PTPRN2: variants seen among roughly 807,000 people sequenced by gnomAD.
The protein encoded by PTPRN2 is receptor-type tyrosine-protein phosphatase N2.
A neutral mutation model predicts 118.8 loss-of-function variants in PTPRN2; 74 were observed. That is an observed-to-expected ratio of 0.62 (90% CI 0.52 to 0.76). The LOEUF is 0.76. Among genes scored for constraint, PTPRN2 ranks in the 30% least tolerant of loss-of-function variants. PTPRN2 has a pLI of 0.00. For synonymous variants in PTPRN2, 641 were observed against 608.0 expected, an observed-to-expected ratio of 1.05 and a Z score of -0.80; for missense variants, 1,481 against 1,394.4, an observed-to-expected ratio of 1.06 and a Z score of -0.99.
intron 12 of PTPRN2, among the ~76,000 whole-genome samples, chr7:157,698,081 A>T (rs920833523): frequency 6.6e-6 from 1 of 152,266 alleles, no homozygotes; most frequent in Admixed American, 6.5e-5. Context: ...TGAACTGGGA[A>T]GATTTTTAAG....
At chr7:158,063,206 G>A (rs1810489864) in intron 11 of PTPRN2, among the ~76,000 whole-genome samples, 1 of 151,686 alleles carries the variant, frequency 6.6e-6, no homozygotes, top group Non-Finnish European at 1.5e-5. Flanking sequence ...ATCTGATGGG[G>A]ACTTGGAGAA....
intron 14 of PTPRN2, 72 bp from the exon 15 acceptor site, chr7:157,621,581 C>G (rs1203414778): frequency 1.3e-6 from 2 of 1,583,062 alleles, no homozygotes; most frequent in African/African-American, 1.3e-5. Flanking sequence ...CAAAAGGCAG[C>G]GGAGGCCTTT....
At position 157,587,183 on chromosome 7, in the gene PTPRN2, G is replaced by C. The variant is rs1800724718; in HGVS notation, c.2496+8055C>G. On this transcript the variant is annotated intron_variant, in intron 17 of 22. Coordinates refer to ENST00000389418, the MANE Select transcript of PTPRN2 (RefSeq NM_002847.5). The surrounding 1 kb of genome is among the most constrained non-coding windows in gnomAD (Gnocchi z 5.3). ...GGCAGGCAGACAGACAAGACAGGCA[G>C]ATAGAGACAAGACAGGCAGGCAGAC... 1.3e-5 allele frequency among the ~76,000 whole-genome samples: 2 copies of C among 148,736 alleles called. No individual in the cohort carries two copies. Among genetic ancestry groups the C allele is most frequent in the Admixed American group, 1.4e-4 (2 of 14,516 alleles).
At chr7:158,097,324 G>C (rs550831971) in intron 10 of PTPRN2, among the ~76,000 whole-genome samples, 33 of 152,282 alleles carry the variant, frequency 2.2e-4, no homozygotes, top group Non-Finnish European at 3.2e-4. Context: ...CGTGCACAGA[G>C]AAGACCCCAA....
chr7:158,195,453 G>A (rs1202563620), intron 4 of PTPRN2, among the ~76,000 whole-genome samples: 2 of 151,936 alleles, frequency 1.3e-5, no homozygotes, highest in African/African-American at 4.8e-5. Context: ...TTTTTAGGGG[G>A]CTTATTGAGC....
intron 11 of PTPRN2, among the ~76,000 whole-genome samples, chr7:157,985,444 G>C (rs763964982): frequency 4.6e-5 from 7 of 152,142 alleles, no homozygotes; most frequent in Non-Finnish European, 4.4e-5. Flanking sequence ...AGTCATCCTG[G>C]CCCAAGGTGA....
Position 158,555,188 on chromosome 7 carries a change from C to T in PTPRN2, c.112+32370G>A, listed in dbSNP as rs73730430. Reference sequence around the variant, plus strand: ...CTGATCTACTGCAAATCACCCCCGACGCAACCACCAACTCCGCCAGAGGAA... The same window carrying T: ...CTGATCTACTGCAAATCACCCCCGATGCAACCACCAACTCCGCCAGAGGAA... On this transcript the variant is annotated intron_variant, in intron 1 of 22. Coordinates refer to ENST00000389418, the MANE Select transcript of PTPRN2 (RefSeq NM_002847.5). The surrounding 1 kb of genome is among the most constrained non-coding windows in gnomAD (Gnocchi z 4.7). Among the ~76,000 whole-genome samples the T allele has an allele frequency of 0.031, 4,711 of 152,274 alleles. 249 individuals carry two copies. Among genetic ancestry groups the T allele is most frequent in the African/African-American group, 0.11 (4,413 of 41,544 alleles).
At chr7:158,379,731 T>C (rs1415924688) in intron 2 of PTPRN2, among the ~76,000 whole-genome samples, 1 of 152,186 alleles carries the variant, frequency 6.6e-6, no homozygotes, top group Non-Finnish European at 1.5e-5. Context: ...AAGAGGTTCA[T>C]GGGGGTTCAG....
At chr7:158,210,849 G>C (rs1338852967) in intron 3 of PTPRN2, among the ~76,000 whole-genome samples, 1 of 152,120 alleles carries the variant, frequency 6.6e-6, no homozygotes, top group Non-Finnish European at 1.5e-5. Context: ...GAAAAGCCTG[G>C]GACTTGATCA....
chr7:157,661,907 AG>A (rs1795910581), intron 13 of PTPRN2, among the ~76,000 whole-genome samples: 1 of 152,224 alleles, frequency 6.6e-6, no homozygotes, highest in Non-Finnish European at 1.5e-5. Flanking sequence ...ACCTCCACAA[AG>A]CTGCCCTGAG....
intron 14 of PTPRN2, among the ~76,000 whole-genome samples, chr7:157,621,859 G>T (rs750867966): frequency 1.1e-4 from 16 of 151,970 alleles, no homozygotes; most frequent in Non-Finnish European, 2.2e-4. Flanking sequence ...GCCCATTTCT[G>T]CTTGCATGGA....
intron 6 of PTPRN2, among the ~76,000 whole-genome samples, chr7:158,162,449 G>C (rs751407042): frequency 6.6e-6 from 1 of 152,006 alleles, no homozygotes; most frequent in East Asian, 1.9e-4. Flanking sequence ...ATGAGCCATC[G>C]AGCCATGAAA....
rs1259453349 is a variant in PTPRN2, at chr7:157,987,027, G to A, written c.1724-88290C>T. 6.6e-6 allele frequency among the ~76,000 whole-genome samples: 1 copy of A among 152,144 alleles called. No individual in the cohort carries two copies. Among genetic ancestry groups the A allele is most frequent in the Non-Finnish European group, 1.5e-5 (1 of 68,018 alleles). ...CCGCTTTAGGATATAACGGGTTCAT[G>A]CACTGGAGTAGCTGCCGGTACACAT... On this transcript the variant is annotated intron_variant, in intron 11 of 22. Transcript: ENST00000389418. This position sits in a 1 kb window ranked among gnomAD's most constrained non-coding sequence, Gnocchi z 4.3.
At chr7:157,878,867 C>T (rs1314613232) in intron 12 of PTPRN2, among the ~76,000 whole-genome samples, 3 of 109,914 alleles carry the variant, frequency 2.7e-5, no homozygotes, top group African/African-American at 4.0e-5. Context: ...TCTCGGATTC[C>T]GTGGGGCTGG....
chr7:158,259,399 C>G (rs892313119), intron 3 of PTPRN2, among the ~76,000 whole-genome samples: 8 of 152,282 alleles, frequency 5.3e-5, no homozygotes, highest in Admixed American at 3.9e-4. Context: ...CGTCACAACC[C>G]GCAGCTGCTG....
At chr7:158,224,913 A>G (rs1325682431) in intron 3 of PTPRN2, among the ~76,000 whole-genome samples, 1 of 152,182 alleles carries the variant, frequency 6.6e-6, no homozygotes, top group African/African-American at 2.4e-5. Flanking sequence ...GTGAGAGATG[A>G]AAAGACATTT....
intron 11 of PTPRN2, among the ~76,000 whole-genome samples, chr7:158,067,862 G>A (rs1473797254): frequency 6.6e-6 from 1 of 152,018 alleles, no homozygotes; most frequent in East Asian, 1.9e-4. Context: ...CAGCACACTG[G>A]GTCACGCCGG....
chr7:158,056,620 G>A (rs1392246420), intron 11 of PTPRN2, among the ~76,000 whole-genome samples: 4 of 152,154 alleles, frequency 2.6e-5, no homozygotes, highest in African/African-American at 4.8e-5. Context: ...CACAAAGCTC[G>A]GTCAGCTGCT....
Position 157,964,808 on chromosome 7 carries a change from C to T in PTPRN2, c.1724-66071G>A, listed in dbSNP as rs1801798551. Among the ~76,000 whole-genome samples the T allele has an allele frequency of 6.6e-6, 1 of 152,208 alleles. No homozygotes were observed. The highest frequency in any genetic ancestry group is 1.5e-5 in the Non-Finnish European group (1 of 68,038). On this transcript the variant is annotated intron_variant, in intron 11 of 22. Coordinates refer to ENST00000389418, the MANE Select transcript of PTPRN2 (RefSeq NM_002847.5). The surrounding 1 kb of genome is among the most constrained non-coding windows in gnomAD (Gnocchi z 9.0). ...CCACCCCACTCAACCCTGGCTGATC[C>T]CCATGGCCTGTTCTTTCGACGATCC...
Sources: allele counts gnomAD v4.1 joint callset (sites outside exome capture counted in the v4.1 genomes callset), GRCh38; gene constraint gnomAD v4.1.1; non-coding constraint Gnocchi (gnomAD v3.1); transcripts MANE v1.5; gene names NCBI Gene and HGNC (gene_info 2026-07-23, HGNC 2026-07-21).